The following FGF12 variants were observed in gnomAD, a reference collection of about 807,000 sequenced individuals.
FGF12 encodes the protein fibroblast growth factor 12.
FGF12 carries 14 observed loss-of-function variants against 23.6 expected under a neutral mutation model. The ratio of observed to expected loss-of-function variants is 0.59; its 90% CI spans 0.39 to 0.93. FGF12 has a LOEUF of 0.93. Among genes scored for constraint, FGF12 ranks in the 40% least tolerant of loss-of-function variants. The pLI is 0.00. For missense variants in FGF12, 175 were observed against 217.8 expected, an observed-to-expected ratio of 0.80 and a Z score of 1.24; for synonymous variants, 62 against 77.3, an observed-to-expected ratio of 0.80 and a Z score of 1.04.
chr3:192,199,077 A>T (rs1368189153), intron 4 of FGF12, among the ~76,000 whole-genome samples: 1 of 152,238 alleles, frequency 6.6e-6, no homozygotes, highest in Non-Finnish European at 1.5e-5. Context: ...TATGTGCAAG[A>T]TGTGTGAACA....
At chr3:192,206,338 A>G (rs1433044658) in intron 4 of FGF12, among the ~76,000 whole-genome samples, 1 of 152,230 alleles carries the variant, frequency 6.6e-6, no homozygotes, top group African/African-American at 2.4e-5. Context: ...ATAGCCTGAA[A>G]TCAGATATGA....
chr3:192,439,704 T>C lies in FGF12; in HGVS notation c.14-79166A>G, dbSNP rs139487045. Among the ~76,000 whole-genome samples, 941 of 152,168 alleles carry C rather than the reference T, an allele frequency of 6.2e-3. 10 individuals are homozygous for C. The highest frequency in any genetic ancestry group is 0.017 in the African/African-American group (725 of 41,508). Reference sequence around the variant, plus strand: ...TATAAAAGCATAACATGGCCAGGCGTGGTGGCTCACGCCTGTAATCCCAGC... The same window carrying C: ...TATAAAAGCATAACATGGCCAGGCGCGGTGGCTCACGCCTGTAATCCCAGC... On this transcript the variant is annotated intron_variant, in intron 2 of 5. Transcript: ENST00000445105.
chr3:192,461,232 C>T lies in FGF12; in HGVS notation c.14-100694G>A, dbSNP rs900829942. Among the ~76,000 whole-genome samples, 3 of 152,216 alleles carry T rather than the reference C, an allele frequency of 2.0e-5. No homozygotes were observed. In the South Asian group the frequency reaches 6.2e-4, roughly 32 times the overall value. On this transcript the variant is annotated intron_variant, in intron 2 of 5. Coordinates refer to ENST00000445105, the MANE Select transcript of FGF12 (RefSeq NM_004113.6). ...ACACTGGGAGGAACATGCTTAAAGA[C>T]ATGCCAAAAAAATGATCCACATGCA...
chr3:192,294,915 T>C (rs1487508243), intron 4 of FGF12, among the ~76,000 whole-genome samples: 2 of 152,304 alleles, frequency 1.3e-5, no homozygotes, highest in African/African-American at 4.8e-5. Flanking sequence ...GTTTGGTTTC[T>C]TGAAACACAA....
chr3:192,605,298 T>G (rs1351588174), intron 2 of FGF12, among the ~76,000 whole-genome samples: 1 of 151,670 alleles, frequency 6.6e-6, no homozygotes, highest in African/African-American at 2.4e-5. Flanking sequence ...GGAGAATCTC[T>G]TGAACCTGGG....
intron 4 of FGF12, among the ~76,000 whole-genome samples, chr3:192,292,648 A>G (rs1202411977): frequency 6.6e-6 from 1 of 152,202 alleles, no homozygotes; most frequent in Non-Finnish European, 1.5e-5. Flanking sequence ...TTAACGGTCT[A>G]TACAATTTTC....
intron 4 of FGF12, among the ~76,000 whole-genome samples, chr3:192,330,361 G>A (rs1233366929): frequency 3.3e-5 from 5 of 152,084 alleles, no homozygotes; most frequent in African/African-American, 2.4e-5. Context: ...CGAACAGTAT[G>A]GTACTGGCAC....
rs528086010 is a variant in FGF12, at chr3:192,461,879, A to C, written c.14-101341T>G. ...GTGGTGCGTGCCTGTAATTCCAGCTACTCGGGAGGCTGAGGCAGGAGAATC... is the reference window on the plus strand; with the variant it reads ...GTGGTGCGTGCCTGTAATTCCAGCTCCTCGGGAGGCTGAGGCAGGAGAATC... On this transcript the variant is annotated intron_variant, in intron 2 of 5. Transcript: ENST00000445105. Among the ~76,000 whole-genome samples, 69 of 151,882 alleles carry C rather than the reference A, an allele frequency of 4.5e-4. 2 individuals carry two copies. Among genetic ancestry groups the C allele is most frequent in the African/African-American group, 1.6e-3 (67 of 41,416 alleles).
chr3:192,303,190 A>T (rs1364332504), intron 4 of FGF12, among the ~76,000 whole-genome samples: 1 of 152,218 alleles, frequency 6.6e-6, no homozygotes, highest in Non-Finnish European at 1.5e-5. Context: ...AGGTGCATGA[A>T]TATGGTCTGT....
intron 2 of FGF12, among the ~76,000 whole-genome samples, chr3:192,450,564 T>C (rs566483632): frequency 9.2e-5 from 14 of 152,348 alleles, no homozygotes; most frequent in African/African-American, 3.4e-4. Context: ...TTATCAGGCA[T>C]TCATGTTATG....
At chr3:192,679,002 C>T (rs924588093) in intron 2 of FGF12, among the ~76,000 whole-genome samples, 2 of 152,116 alleles carry the variant, frequency 1.3e-5, no homozygotes, top group Non-Finnish European at 2.9e-5. Context: ...TTAAGTAGTT[C>T]CCTGGTGAGG....
intron 2 of FGF12, among the ~76,000 whole-genome samples, chr3:192,619,636 G>C (rs969734988): frequency 2.0e-5 from 3 of 152,136 alleles, no homozygotes; most frequent in Non-Finnish European, 2.9e-5. Context: ...TAGAATCCAA[G>C]TAGTAAACCC....
chr3:192,571,464 G>C (rs959832145), intron 2 of FGF12, among the ~76,000 whole-genome samples: 4 of 152,374 alleles, frequency 2.6e-5, no homozygotes, highest in East Asian at 1.9e-4. Flanking sequence ...GACGGAGCGC[G>C]CGAGCAGCGC....
chr3:192,622,103 C>T (rs558568930), intron 2 of FGF12, among the ~76,000 whole-genome samples: 6 of 152,118 alleles, frequency 3.9e-5, no homozygotes, highest in Non-Finnish European at 5.9e-5. Context: ...CAAATAAATA[C>T]GCACAGCATG....
At chr3:192,375,454 A>G (rs1290021488) in intron 2 of FGF12, among the ~76,000 whole-genome samples, 1 of 152,200 alleles carries the variant, frequency 6.6e-6, no homozygotes, top group East Asian at 1.9e-4. Flanking sequence ...GGTGTAGTTT[A>G]ACAAAATCCA....
At chr3:192,431,535 T>G (rs1721860545) in intron 2 of FGF12, among the ~76,000 whole-genome samples, 1 of 152,166 alleles carries the variant, frequency 6.6e-6, no homozygotes, top group Admixed American at 6.5e-5. Context: ...TTCTACTTCC[T>G]GTAATGAAAA....
chr3:192,315,004 G>A (rs1716155105), intron 4 of FGF12, among the ~76,000 whole-genome samples: 2 of 152,290 alleles, frequency 1.3e-5, no homozygotes, highest in East Asian at 3.9e-4. Context: ...GTTACCCCAT[G>A]GGAGAATGAT....
chr3:192,277,383 C>G (rs1713856693), intron 4 of FGF12, among the ~76,000 whole-genome samples: 1 of 151,946 alleles, frequency 6.6e-6, no homozygotes, highest in African/African-American at 2.4e-5. Context: ...AGAAAGCATT[C>G]TGTAAAGATT....
intron 2 of FGF12, among the ~76,000 whole-genome samples, chr3:192,697,557 C>T (rs991801027): frequency 4.6e-5 from 7 of 152,138 alleles, no homozygotes; most frequent in Admixed American, 3.9e-4. Context: ...CCTGAAGGAG[C>T]TGGTTATGGC....
Sources: allele counts gnomAD v4.1 joint callset (sites outside exome capture counted in the v4.1 genomes callset), GRCh38; gene constraint gnomAD v4.1.1; transcripts MANE v1.5; gene names NCBI Gene and HGNC (gene_info 2026-07-23, HGNC 2026-07-21).